Variants in JAM2 observed in about 807,000 individuals in gnomAD.
JAM2 encodes junctional adhesion molecule 2, also known as junctional adhesion molecule B.
A neutral mutation model predicts 42.0 loss-of-function variants in JAM2; 17 were observed. The ratio of observed to expected loss-of-function variants is 0.40; its 90% CI spans 0.28 to 0.61. The LOEUF (loss-of-function observed/expected upper bound fraction) is 0.61, where lower values mean the gene tolerates loss of function less well. Among genes scored for constraint, JAM2 ranks in the 20% least tolerant of loss-of-function variants. The pLI is 0.37. For synonymous variants in JAM2, 118 were observed against 128.6 expected (o/e 0.92, Z 0.56); for missense variants, 319 against 358.3 (o/e 0.89, Z 0.89).
At chr21:25,659,920 TTTG>T (rs371842629) in intron 1 of JAM2, among the ~76,000 whole-genome samples, 10 of 152,204 alleles carry the variant, frequency 6.6e-5, no homozygotes, top group East Asian at 3.9e-4. Context: ...TCTTTTATAG[TTTG>T]TTGTTGTTGT....
chr21:25,708,350 C>G (rs2123415507), intron 7 of JAM2, among the ~76,000 whole-genome samples: 1 of 152,234 alleles, frequency 6.6e-6, no homozygotes, highest in South Asian at 2.1e-4. Context: ...AGGAGGATCA[C>G]TTGAGTCCAG....
At chr21:25,648,094 C>T (rs1016379528) in intron 1 of JAM2, among the ~76,000 whole-genome samples, 1 of 152,026 alleles carries the variant, frequency 6.6e-6, no homozygotes, top group African/African-American at 2.4e-5. Flanking sequence ...ACCTGTAGTC[C>T]CAGCTACTCA....
At chr21:25,683,994 T>C (rs2033695757) in intron 2 of JAM2, 46 bp downstream of exon 2, 2 of 1,203,712 alleles carry the variant, frequency 1.7e-6, no homozygotes, top group South Asian at 1.4e-5. Flanking sequence ...TTTAAATAAC[T>C]CACGAGAGTG....
chr21:25,667,884 G>A (rs373980053), intron 1 of JAM2, among the ~76,000 whole-genome samples: 5 of 152,212 alleles, frequency 3.3e-5, no homozygotes, highest in African/African-American at 4.8e-5. Flanking sequence ...ATTGTATATC[G>A]TTTGAAAATA....
intron 1 of JAM2, among the ~76,000 whole-genome samples, chr21:25,681,245 C>T (rs980035471): frequency 1.3e-5 from 2 of 152,112 alleles, no homozygotes; most frequent in African/African-American, 4.8e-5. Context: ...CTTGAGATGA[C>T]CAATGTATTT....
chr21:25,653,383 G>A (rs887663716), intron 1 of JAM2, among the ~76,000 whole-genome samples: 3 of 152,192 alleles, frequency 2.0e-5, no homozygotes, highest in Non-Finnish European at 2.9e-5. Flanking sequence ...ATGAGCCTGG[G>A]ACGGTTTGTT....
At chr21:25,714,041 T>C (rs2034433798) in intron 9 of JAM2, among the ~76,000 whole-genome samples, 2 of 152,256 alleles carry the variant, frequency 1.3e-5, no homozygotes, top group African/African-American at 2.4e-5. Flanking sequence ...CATCATAGGA[T>C]GTGTAGCCAC....
At chr21:25,709,220 C>T (rs2034333964) in intron 7 of JAM2, among the ~76,000 whole-genome samples, 2 of 151,656 alleles carry the variant, frequency 1.3e-5, no homozygotes, top group Admixed American at 6.6e-5. Flanking sequence ...TACTTAAGTA[C>T]CTATATAGTA....
intron 5 of JAM2, among the ~76,000 whole-genome samples, chr21:25,700,691 T>C (rs1276786428): frequency 6.6e-6 from 1 of 152,222 alleles, no homozygotes; most frequent in Non-Finnish European, 1.5e-5. Flanking sequence ...GAGGATATAA[T>C]GCTTCATTCC....
At chr21:25,675,781 C>A (rs2033475141) in intron 1 of JAM2, among the ~76,000 whole-genome samples, 2 of 152,094 alleles carry the variant, frequency 1.3e-5, no homozygotes, top group Admixed American at 1.3e-4. Context: ...CCCCCACCAG[C>A]CCGACTTCCA....
At position 25,717,399 on chromosome 21, in the gene JAM2, T is replaced by C. The variant is rs533932141; in HGVS notation, c.*2727T>C. On this transcript the variant is annotated 3_prime_UTR_variant, in exon 10 of 10. Coordinates refer to ENST00000480456, the MANE Select transcript of JAM2 (RefSeq NM_021219.4). Reference sequence around the variant, plus strand: ...TTTAAAATCTTATTAGCAAGCTTTGTTTTGTTTTAATTATTGTTGCTGTTG... The same window carrying C: ...TTTAAAATCTTATTAGCAAGCTTTGCTTTGTTTTAATTATTGTTGCTGTTG... The C allele has an allele frequency of 3.3e-6, 1 of 306,688 alleles. No homozygotes were observed. Among genetic ancestry groups the C allele is most frequent in the East Asian group, 5.8e-5 (1 of 17,134 alleles). 19.0% of individuals were successfully genotyped at this position (306,688 alleles called of 1,614,324 possible).
At chr21:25,714,256 C>T (rs1460558557) in intron 9 of JAM2, 1 of 1,293,422 alleles carries the variant, frequency 7.7e-7, no homozygotes, top group Non-Finnish European at 1.0e-6. Flanking sequence ...CCTGTAATCC[C>T]AGCACTTTGG....
chr21:25,640,657 A>G (rs1312845013), intron 1 of JAM2, among the ~76,000 whole-genome samples: 2 of 152,190 alleles, frequency 1.3e-5, no homozygotes, highest in African/African-American at 4.8e-5. Context: ...CGTTGCCGTT[A>G]TTTTGTTTTC....
chr21:25,681,353 A>C (rs2123364747), intron 1 of JAM2, among the ~76,000 whole-genome samples: 1 of 152,324 alleles, frequency 6.6e-6, no homozygotes, highest in East Asian at 1.9e-4. Flanking sequence ...GGGAGGCCTC[A>C]GGAAACTTAC....
chr21:25,681,596 C>T (rs1215088454), intron 1 of JAM2, among the ~76,000 whole-genome samples: 1 of 152,172 alleles, frequency 6.6e-6, no homozygotes, highest in Non-Finnish European at 1.5e-5. Context: ...CACAGCCAAA[C>T]CATATCAACC....
chr21:25,656,003 C>T (rs953597155), intron 1 of JAM2, among the ~76,000 whole-genome samples: 2 of 151,470 alleles, frequency 1.3e-5, no homozygotes, highest in Non-Finnish European at 2.9e-5. Flanking sequence ...CTGGGTTATA[C>T]AGCAAAGTCT....
chr21:25,693,300 C>T (rs955900865), intron 3 of JAM2, among the ~76,000 whole-genome samples: 4 of 151,502 alleles, frequency 2.6e-5, no homozygotes, highest in African/African-American at 9.7e-5. Context: ...CTCTGTCGCC[C>T]AGGTTGGAGT....
chr21:25,693,715 C>T (rs1206833660), intron 3 of JAM2, 41 bp from the exon 4 acceptor site: 1 of 1,548,208 alleles, frequency 6.5e-7, no homozygotes. Context: ...CAGAAAGCTA[C>T]TTGGATTATT....
intron 5 of JAM2, among the ~76,000 whole-genome samples, chr21:25,700,229 T>A (rs1026094458): frequency 2.0e-5 from 3 of 151,642 alleles, no homozygotes; most frequent in Non-Finnish European, 4.4e-5. Flanking sequence ...TGAAGCTTTT[T>A]AAAAAAAATT....
Sources: gnomAD v4.1 joint callset for allele counts (sites outside exome capture counted in the v4.1 genomes callset) on GRCh38, gnomAD v4.1.1 for gene constraint, MANE v1.5 for transcripts, NCBI Gene and HGNC (gene_info 2026-07-23, HGNC 2026-07-21) for gene names.